Variants in CADM2 observed in about 807,000 individuals in gnomAD.
CADM2 encodes the protein immunoglobulin superfamily member 4D.
A neutral mutation model predicts 49.8 loss-of-function variants in CADM2; 12 were observed. The ratio of observed to expected loss-of-function variants is 0.24; its 90% confidence interval spans 0.15 to 0.39. The LOEUF (loss-of-function observed/expected upper bound fraction) is 0.39. CADM2 is among the 10% of genes least tolerant of loss of function. CADM2 has a pLI of 1.00. For synonymous variants in CADM2, 214 were observed against 175.4 expected (o/e 1.22, Z -1.74); for missense variants, 378 against 492.3 (o/e 0.77, Z 2.20).
intron 1 of CADM2, among the ~76,000 whole-genome samples, chr3:85,212,812 C>CTT (rs1275410284): frequency 1.7e-4 from 17 of 102,642 alleles, no homozygotes; most frequent in African/African-American, 5.2e-4. Flanking sequence ...TCTTTTTCTT[C>CTT]TCTTTCTTTC....
chr3:85,101,708 G>A (rs1416113184), intron 1 of CADM2, among the ~76,000 whole-genome samples: 1 of 152,146 alleles, frequency 6.6e-6, no homozygotes, highest in Non-Finnish European at 1.5e-5. Flanking sequence ...AATTGTATTT[G>A]GGGTTAATGA....
intron 1 of CADM2, among the ~76,000 whole-genome samples, chr3:85,347,588 C>CATATATATATACAT (rs201380935): frequency 1.4e-5 from 2 of 139,268 alleles, no homozygotes; most frequent in Non-Finnish European, 3.0e-5. Flanking sequence ...TACATATATA[C>CATATATATATACAT]ATATATATAC....
chr3:85,969,495 C>CT (rs1415284494), intron 8 of CADM2, among the ~76,000 whole-genome samples: 7 of 150,964 alleles, frequency 4.6e-5, no homozygotes, highest in Non-Finnish European at 8.9e-5. Flanking sequence ...TCAGTGAGGC[C>CT]TTTTTTTTCC....
chr3:85,595,803 T>C (rs1412350660), intron 1 of CADM2, among the ~76,000 whole-genome samples: 1 of 152,004 alleles, frequency 6.6e-6, no homozygotes, highest in African/African-American at 2.4e-5. Context: ...ATTAAACAAG[T>C]GTATATCTTC....
In CADM2 at chr3:85,584,966, C is replaced by T. The variant is rs1576867293; in HGVS notation, c.62-141556C>T. ...TGTGAAATCGGAAGTACAGTGGTCA[C>T]CCTTTAGCCGCGGTTTCACTTTCCA... On this transcript the variant is annotated intron_variant, in intron 1 of 9. Coordinates refer to ENST00000383699, the MANE Select transcript of CADM2 (RefSeq NM_001167675.2). Among the ~76,000 whole-genome samples, 5 of 152,130 alleles carry T rather than the reference C, an allele frequency of 3.3e-5. No individual in the cohort carries two copies. In the South Asian group the frequency reaches 1.0e-3, roughly 32 times the overall value.
intron 5 of CADM2, among the ~76,000 whole-genome samples, chr3:85,905,247 CA>C (rs1716643698): frequency 6.6e-6 from 1 of 151,968 alleles, no homozygotes; most frequent in South Asian, 2.1e-4. Context: ...AATTGAAAAA[CA>C]AAGGGTAAAT....
At chr3:85,905,755 C>T (rs2108461664) in intron 5 of CADM2, among the ~76,000 whole-genome samples, 1 of 151,906 alleles carries the variant, frequency 6.6e-6, no homozygotes, top group Non-Finnish European at 1.5e-5. Context: ...TGTGAATGTC[C>T]CAATGGGTAA....
chr3:85,586,871 G>A (rs762817329), intron 1 of CADM2, among the ~76,000 whole-genome samples: 8 of 152,036 alleles, frequency 5.3e-5, no homozygotes, highest in African/African-American at 7.2e-5. Context: ...TAGTGAGTAG[G>A]CCTAATGTTT....
intron 1 of CADM2, among the ~76,000 whole-genome samples, chr3:85,700,573 T>A (rs561303342): frequency 3.3e-5 from 5 of 152,294 alleles, no homozygotes; most frequent in African/African-American, 9.6e-5. Flanking sequence ...TCAGGACACA[T>A]CTTGAAAGCT....
intron 1 of CADM2, among the ~76,000 whole-genome samples, chr3:85,471,434 T>A (rs2038759248): frequency 6.6e-6 from 1 of 152,132 alleles, no homozygotes; most frequent in African/African-American, 2.4e-5. Context: ...ACCATCTGCC[T>A]TGTTAAAATT....
intron 1 of CADM2, among the ~76,000 whole-genome samples, chr3:85,103,066 G>A (rs559252744): frequency 1.3e-5 from 2 of 152,246 alleles, no homozygotes; most frequent in South Asian, 4.1e-4. Context: ...AGGCTACCTT[G>A]GAAATGCTCA....
At chr3:85,438,592 T>C (rs1057122728) in intron 1 of CADM2, among the ~76,000 whole-genome samples, 2 of 152,140 alleles carry the variant, frequency 1.3e-5, no homozygotes, top group African/African-American at 4.8e-5. Context: ...TTAGGGTAAA[T>C]GTTTTATTTT....
intron 1 of CADM2, among the ~76,000 whole-genome samples, chr3:85,208,168 G>C (rs1389688007): frequency 6.6e-6 from 1 of 152,070 alleles, no homozygotes; most frequent in Non-Finnish European, 1.5e-5. Flanking sequence ...ATTGAGTTTT[G>C]AGTTTTCTTC....
intron 1 of CADM2, among the ~76,000 whole-genome samples, chr3:85,722,616 C>T (rs1406068984): frequency 6.6e-6 from 1 of 152,158 alleles, no homozygotes; most frequent in East Asian, 1.9e-4. Flanking sequence ...CTTCTAAAGG[C>T]ACCAGTAAAT....
chr3:85,036,684 A>T (rs546781001), intron 1 of CADM2, among the ~76,000 whole-genome samples: 2 of 152,290 alleles, frequency 1.3e-5, no homozygotes, highest in South Asian at 4.1e-4. Context: ...ATTGCTTTTA[A>T]TGGCAAAAAC....
Position 86,059,354 on chromosome 3 carries a change from A to G in CADM2, c.971-6251A>G, listed in dbSNP as rs903192546. On this transcript the variant is annotated intron_variant, in intron 8 of 9. Transcript: ENST00000383699. ...AATTAGTGTTATTTTTCACTCGTAAATATTTAAAATTACTGAACTTAGGTA... is the reference window on the plus strand; with the variant it reads ...AATTAGTGTTATTTTTCACTCGTAAGTATTTAAAATTACTGAACTTAGGTA... 1.7e-4 allele frequency among the ~76,000 whole-genome samples: 26 copies of G among 152,126 alleles called. 1 individual carries two copies. Among genetic ancestry groups the G allele is most frequent in the Admixed American group, 2.0e-4 (3 of 15,238 alleles).
At chr3:85,232,387 A>G (rs1559734193) in intron 1 of CADM2, among the ~76,000 whole-genome samples, 1 of 152,200 alleles carries the variant, frequency 6.6e-6, no homozygotes, top group East Asian at 1.9e-4. Flanking sequence ...CTCTTTAAAA[A>G]AGTTTTCTCT....
At chr3:84,960,936 T>C (rs753684326) in intron 1 of CADM2, among the ~76,000 whole-genome samples, 3 of 152,084 alleles carry the variant, frequency 2.0e-5, no homozygotes, top group Non-Finnish European at 4.4e-5. Context: ...AGTATAGGGA[T>C]GTGGCTTGAG....
chr3:85,736,461 A>G (rs1369918547), intron 2 of CADM2, among the ~76,000 whole-genome samples: 1 of 152,218 alleles, frequency 6.6e-6, no homozygotes, highest in East Asian at 1.9e-4. Context: ...AGTGAGCATT[A>G]ACTGGGCAAC....
Sources: allele counts gnomAD v4.1 joint callset (sites outside exome capture counted in the v4.1 genomes callset), GRCh38; gene constraint gnomAD v4.1.1; transcripts MANE v1.5; gene names NCBI Gene and HGNC (gene_info 2026-07-23, HGNC 2026-07-21).